The following MAP2K5 variants were observed in gnomAD, a reference collection of about 807,000 sequenced individuals.
The protein encoded by MAP2K5 is dual specificity mitogen-activated protein kinase kinase 5.
In MAP2K5, 49 loss-of-function variants were observed where a neutral mutation model predicts 83.1. That is an observed-to-expected ratio of 0.59 (90% CI 0.47 to 0.75). MAP2K5 has a LOEUF of 0.75. MAP2K5 is among the 30% of genes least tolerant of loss of function. The pLI is 0.00. For missense variants in MAP2K5, 457 were observed against 557.5 expected (o/e 0.82, Z 1.82); for synonymous variants, 202 against 191.8 (o/e 1.05, Z -0.44).
chr15:67,757,510 A>G lies in MAP2K5; in HGVS notation c.1134+8909A>G, dbSNP rs1232621972. 6.6e-6 allele frequency among the ~76,000 whole-genome samples: 1 copy of G among 152,180 alleles called. No individual in the cohort carries two copies. Among genetic ancestry groups the G allele is most frequent in the African/African-American group, 2.4e-5 (1 of 41,448 alleles). On this transcript the variant is annotated intron_variant, in intron 19 of 21. Transcript: ENST00000178640. This position sits in a 1 kb window ranked among gnomAD's most constrained non-coding sequence, Gnocchi z 4.9. ...TGCATAAAAGAACTGAGAGTTCCAT[A>G]GATTATAGTTTGAAAACTACTGATG...
intron 6 of MAP2K5, among the ~76,000 whole-genome samples, chr15:67,589,317 C>A (rs2141007787): frequency 1.3e-5 from 2 of 151,680 alleles, no homozygotes; most frequent in East Asian, 1.9e-4. Flanking sequence ...ATGAATGAAA[C>A]AGTATTTTCC....
rs2086612050 is a variant in MAP2K5 at position 67,636,793 on chromosome 15, G to A, written c.585+5866G>A. On this transcript the variant is annotated intron_variant, in intron 9 of 21. Coordinates refer to ENST00000178640, the MANE Select transcript of MAP2K5 (RefSeq NM_145160.3). The surrounding 1 kb of genome is among the most constrained non-coding windows in gnomAD (Gnocchi z 4.7). Reference sequence around the variant, plus strand: ...TGAAGGATGCAAAGTATTGTTTCGGGGTGTGTCTGTGAAGGTGTTAATATT... The same window carrying A: ...TGAAGGATGCAAAGTATTGTTTCGGAGTGTGTCTGTGAAGGTGTTAATATT... 6.6e-6 allele frequency among the ~76,000 whole-genome samples: 1 copy of A among 152,082 alleles called. No homozygotes were observed. Among genetic ancestry groups the A allele is most frequent in the Non-Finnish European group, 1.5e-5 (1 of 68,024 alleles).
rs535373101 is a variant in MAP2K5, at chr15:67,643,946, AC to A, written c.586-2284del. ...TGTATATATATTCTTCAGTTGTAAT[AC>A]AAAATGTAATTCAAAGTTGAATGCT... On this transcript the variant is annotated intron_variant, in intron 9 of 21. Transcript: ENST00000178640. 1.8e-4 allele frequency among the ~76,000 whole-genome samples: 27 copies of A among 152,360 alleles called. No homozygotes were observed. In the South Asian group the frequency reaches 2.7e-3, roughly 15 times the overall value.
intron 17 of MAP2K5, among the ~76,000 whole-genome samples, chr15:67,734,727 G>C (rs2089300305): frequency 6.6e-6 from 1 of 152,146 alleles, no homozygotes; most frequent in South Asian, 2.1e-4. Context: ...TCTTTGAAAA[G>C]AGGTATTAGA....
rs2084758819 is a variant in MAP2K5 at position 67,562,618 on chromosome 15, T to C, written c.185-665T>C. Reference sequence around the variant, plus strand: ...TGAAGCTTTCTATGGCTGGAGAGTATGCAAAACAAGTGAAACTGTTCGGAA... The same window carrying C: ...TGAAGCTTTCTATGGCTGGAGAGTACGCAAAACAAGTGAAACTGTTCGGAA... On this transcript the variant is annotated intron_variant, in intron 2 of 21. Coordinates refer to ENST00000178640, the MANE Select transcript of MAP2K5 (RefSeq NM_145160.3). This position sits in a 1 kb window ranked among gnomAD's most constrained non-coding sequence, Gnocchi z 4.1. Among the ~76,000 whole-genome samples, 1 of 152,154 alleles carries C rather than the reference T, an allele frequency of 6.6e-6. No individual in the cohort carries two copies. The highest frequency in any genetic ancestry group is 2.1e-4 in the South Asian group (1 of 4,822).
chr15:67,631,032 G>T, intron 9 of MAP2K5, 105 bp downstream of exon 9: 1 of 841,958 alleles, frequency 1.2e-6, no homozygotes, highest in Non-Finnish European at 1.9e-6. Flanking sequence ...AATGGCTTAA[G>T]GTTTAGATGG....
intron 2 of MAP2K5, among the ~76,000 whole-genome samples, chr15:67,558,135 G>A (rs2084664665): frequency 6.6e-6 from 1 of 152,142 alleles, no homozygotes; most frequent in African/African-American, 2.4e-5. Context: ...TAAGAAGTTT[G>A]AGTCCTTTAC....
chr15:67,586,765 G>T, intron 5 of MAP2K5, 81 bp from the exon 6 acceptor site: 1 of 1,316,638 alleles, frequency 7.6e-7, no homozygotes, highest in South Asian at 1.2e-5. Context: ...AGTGAAATGA[G>T]AAATTTGTGG....
intron 1 of MAP2K5, chr15:67,546,440 C>T: frequency 4.7e-6 from 1 of 213,548 alleles, no homozygotes; most frequent in Non-Finnish European, 8.1e-6. Context: ...GTGTCTCGGA[C>T]CTGAAGTCAG....
At chr15:67,771,264 C>T (rs2090136922) in intron 20 of MAP2K5, among the ~76,000 whole-genome samples, 1 of 152,160 alleles carries the variant, frequency 6.6e-6, no homozygotes, top group Admixed American at 6.5e-5. Context: ...TGCGATTCCT[C>T]TACTGCCTGG....
rs1372245772 is a variant in MAP2K5, at chr15:67,543,212, C to T, written c.-124C>T. ...TCCCCTCTTCCCTCCCCCTCATCCT[C>T]CATTCCCTTGTTTTCACCCTCTGTC... On this transcript the variant is annotated 5_prime_UTR_variant, in exon 1 of 22. Transcript: ENST00000178640. The surrounding 1 kb of genome is among the most constrained non-coding windows in gnomAD (Gnocchi z 4.3). 3.1e-6 allele frequency: 3 copies of T among 974,638 alleles called. No homozygotes were observed. Among genetic ancestry groups the T allele is most frequent in the Non-Finnish European group, 4.8e-6 (3 of 625,762 alleles). 60.4% of individuals were successfully genotyped at this position (974,638 alleles called of 1,614,324 possible).
In MAP2K5 at chr15:67,573,596, A is replaced by G. The variant is rs1448582195; in HGVS notation, c.253-7158A>G. Among the ~76,000 whole-genome samples the G allele has an allele frequency of 6.6e-6, 1 of 152,074 alleles. No homozygotes were observed. The highest frequency in any genetic ancestry group is 1.5e-5 in the Non-Finnish European group (1 of 68,002). On this transcript the variant is annotated intron_variant, in intron 3 of 21. Coordinates refer to ENST00000178640, the MANE Select transcript of MAP2K5 (RefSeq NM_145160.3). The surrounding 1 kb of genome is among the most constrained non-coding windows in gnomAD (Gnocchi z 4.2). ...CATATCAGACTCCATCTTGAATAGA[A>G]GCTGGGTAAAATGAGGCTGCGACCT...
chr15:67,701,746 A>G (rs920916842), intron 15 of MAP2K5, among the ~76,000 whole-genome samples: 1 of 152,160 alleles, frequency 6.6e-6, no homozygotes, highest in Non-Finnish European at 1.5e-5. Flanking sequence ...CTGGAGGTTC[A>G]TTTGTATTAA....
chr15:67,787,783 A>C (rs767059136), intron 21 of MAP2K5, among the ~76,000 whole-genome samples: 2 of 152,236 alleles, frequency 1.3e-5, no homozygotes, highest in African/African-American at 4.8e-5. Flanking sequence ...AGATTTTTTA[A>C]ATGGCAAATC....
At position 67,665,581 on chromosome 15, in the gene MAP2K5, T is replaced by G. The variant is rs1012391363; in HGVS notation, c.847+936T>G. Among the ~76,000 whole-genome samples, 1 of 152,202 alleles carries G rather than the reference T, an allele frequency of 6.6e-6. No individual in the cohort carries two copies. The highest frequency in any genetic ancestry group is 2.4e-5 in the African/African-American group (1 of 41,470). ...GTCATATCTGTCACTAAGGGTTGTT[T>G]TCTTTTGTGGTGGTTTTAATATCCT... is the stretch of plus-strand genomic sequence containing the variant. On this transcript the variant is annotated intron_variant, in intron 13 of 21. Transcript: ENST00000178640. The surrounding 1 kb of genome is among the most constrained non-coding windows in gnomAD (Gnocchi z 4.2).
rs1217528915 is a variant in MAP2K5, at chr15:67,747,127, A to G, written c.1075-1104A>G. Reference sequence around the variant, plus strand: ...CCTGGCGCTGAGGCCTCAGGCCCGGACACTGTCCTCTGATAGGCCCAGCTT... The same window carrying G: ...CCTGGCGCTGAGGCCTCAGGCCCGGGCACTGTCCTCTGATAGGCCCAGCTT... On this transcript the variant is annotated intron_variant, in intron 17 of 21. Transcript: ENST00000178640. This position sits in a 1 kb window ranked among gnomAD's most constrained non-coding sequence, Gnocchi z 4.1. 6.6e-6 allele frequency among the ~76,000 whole-genome samples: 1 copy of G among 152,246 alleles called. No individual in the cohort carries two copies. The highest frequency in any genetic ancestry group is 6.5e-5 in the Admixed American group (1 of 15,286).
intron 19 of MAP2K5, among the ~76,000 whole-genome samples, chr15:67,754,482 A>G (rs1209581638): frequency 6.6e-6 from 1 of 152,220 alleles, no homozygotes; most frequent in Non-Finnish European, 1.5e-5. Flanking sequence ...GATCTCTGCC[A>G]GGTGCCGAGA....
intron 8 of MAP2K5, among the ~76,000 whole-genome samples, chr15:67,615,172 A>G (rs918234115): frequency 3.3e-5 from 5 of 151,948 alleles, no homozygotes; most frequent in African/African-American, 9.7e-5. Flanking sequence ...TAATTTTTGT[A>G]TTTTTAGTAG....
intron 13 of MAP2K5, among the ~76,000 whole-genome samples, chr15:67,678,255 A>G (rs772357717): frequency 6.6e-6 from 1 of 152,178 alleles, no homozygotes; most frequent in Admixed American, 6.5e-5. Context: ...GCACAGTGCT[A>G]GGAGAGGTTG....
Sources: allele counts gnomAD v4.1 joint callset (sites outside exome capture counted in the v4.1 genomes callset), GRCh38; gene constraint gnomAD v4.1.1; non-coding constraint Gnocchi (gnomAD v3.1); transcripts MANE v1.5; gene names NCBI Gene and HGNC (gene_info 2026-07-23, HGNC 2026-07-21).